NETO1: variants seen among roughly 807,000 people sequenced by gnomAD.
The protein encoded by NETO1 is neuropilin and tolloid-like protein 1.
Under a neutral mutation model 61.3 loss-of-function variants are expected in NETO1, and 26 were observed. The observed-to-expected ratio is 0.42, with a 90% CI of 0.31 to 0.59. The LOEUF (loss-of-function observed/expected upper bound fraction) is 0.59. Ranked by LOEUF, NETO1 falls within the 20% of genes least tolerant of loss-of-function variation. The pLI is 0.12. For synonymous variants in NETO1, 225 were observed against 225.8 expected, an observed-to-expected ratio of 1.00 and a Z score of 0.03; for missense variants, 531 against 662.8, an observed-to-expected ratio of 0.80 and a Z score of 2.18.
At chr18:72,780,915 G>A (rs1044227791) in intron 7 of NETO1, among the ~76,000 whole-genome samples, 1 of 152,080 alleles carries the variant, frequency 6.6e-6, no homozygotes, top group African/African-American at 2.4e-5. Flanking sequence ...TTTGCATTTT[G>A]ATTGGTGCAG....
intron 4 of NETO1, among the ~76,000 whole-genome samples, chr18:72,798,063 C>T (rs904478849): frequency 5.3e-5 from 8 of 152,230 alleles, no homozygotes; most frequent in African/African-American, 1.9e-4. Context: ...TTACCGTCTA[C>T]TTCCACTGCT....
chr18:72,865,344 T>C, intron 1 of NETO1, 103 bp from the exon 2 acceptor site: 3 of 1,213,998 alleles, frequency 2.5e-6, no homozygotes, highest in Non-Finnish European at 2.3e-6. Flanking sequence ...AGCAGATTAA[T>C]TTTTTCATTG....
intron 7 of NETO1, among the ~76,000 whole-genome samples, chr18:72,767,369 T>A (rs575913405): frequency 9.8e-5 from 15 of 152,298 alleles, no homozygotes; most frequent in Non-Finnish European, 1.5e-5. Context: ...ACAGGAAATT[T>A]CCTGCCTTTA....
At chr18:72,834,231 A>AT in intron 4 of NETO1, 1 of 692,628 alleles carries the variant, frequency 1.4e-6, no homozygotes, top group Non-Finnish European at 1.8e-6. Flanking sequence ...ATTAATTGCA[A>AT]AATAAGTTTT....
rs2070443838 is a variant in NETO1, at chr18:72,746,903, G to A, written c.*1276C>T. Among the ~76,000 whole-genome samples, 1 of 151,798 alleles carries A rather than the reference G, an allele frequency of 6.6e-6. No individual in the cohort carries two copies. Among genetic ancestry groups the A allele is most frequent in the Non-Finnish European group, 1.5e-5 (1 of 67,902 alleles). On this transcript the variant is annotated 3_prime_UTR_variant, in exon 11 of 11. Transcript: ENST00000327305. ...TTAATAGCAGTAAAATATATTTTAG[G>A]ATTTTACTTTATGTTAAACACATCA...
chr18:72,783,259 A>T (rs2071802460), intron 7 of NETO1, among the ~76,000 whole-genome samples: 1 of 152,224 alleles, frequency 6.6e-6, no homozygotes. Flanking sequence ...TGAAGTCAGA[A>T]ACCTATTTGA....
At position 72,744,269 on chromosome 18, in the gene NETO1, C is replaced by T. The variant is rs964982053; in HGVS notation, c.*3910G>A. On this transcript the variant is annotated 3_prime_UTR_variant, in exon 11 of 11. Transcript: ENST00000327305. ...ATACAATTCAGTTAAATTTGTGGTA[C>T]AATTCAAACAAGTTTATTAATAAAA... 2 of 152,012 alleles carry T rather than the reference C, an allele frequency of 1.3e-5. No homozygotes were observed. The highest frequency in any genetic ancestry group is 2.4e-5 in the African/African-American group (1 of 41,374). The allele number at this position is 152,012 out of a possible 1,614,324, so 9.4% of individuals were successfully genotyped here.
At chr18:72,804,310 A>G (rs1213819649) in intron 4 of NETO1, among the ~76,000 whole-genome samples, 1 of 152,174 alleles carries the variant, frequency 6.6e-6, no homozygotes, top group African/African-American at 2.4e-5. Flanking sequence ...ACCTTCTTCT[A>G]AAAGAACTCT....
intron 4 of NETO1, among the ~76,000 whole-genome samples, chr18:72,849,718 G>A (rs916855784): frequency 1.3e-5 from 2 of 152,156 alleles, no homozygotes; most frequent in Non-Finnish European, 2.9e-5. Context: ...ATAAACAACA[G>A]GAATTTATCT....
At position 72,833,968 on chromosome 18, in the gene NETO1, T is replaced by C. The variant is rs1038301584; in HGVS notation, c.469+24858A>G. ...GACTTCCACCTCTTTAACATTCCTA[T>C]GATAAATTAGCAAGTCCAAAGTGAA... is the stretch of plus-strand genomic sequence containing the variant. On this transcript the variant is annotated intron_variant, in intron 4 of 10. Transcript: ENST00000327305. 3.6e-5 allele frequency: 10 copies of C among 275,766 alleles called. No homozygotes were observed. In the Admixed American group the frequency reaches 3.9e-4, roughly 11 times the overall value. 17.1% of individuals were successfully genotyped at this position (275,766 alleles called of 1,614,324 possible).
At chr18:72,758,575 G>A (rs916113539) in intron 7 of NETO1, among the ~76,000 whole-genome samples, 10 of 152,112 alleles carry the variant, frequency 6.6e-5, no homozygotes, top group African/African-American at 1.4e-4. Context: ...GGTGGCTCAC[G>A]CCTGTAATCC....
At chr18:72,810,706 C>T (rs182806150) in intron 4 of NETO1, among the ~76,000 whole-genome samples, 9 of 152,290 alleles carry the variant, frequency 5.9e-5, no homozygotes, top group African/African-American at 9.6e-5. Flanking sequence ...CCTGCTCAAT[C>T]TGTAGTTCCT....
chr18:72,867,223 T>TGGCTCCGGGAGCGCA (rs2074767775), intron 1 of NETO1, 41 bp downstream of exon 1: 2 of 1,491,156 alleles, frequency 1.3e-6, no homozygotes, highest in East Asian at 2.6e-5. Context: ...GCGGGAGGGC[T>TGGCTCCGGGAGCGCA]GGCTCCGGGA....
chr18:72,750,619 CT>C lies in NETO1; in HGVS notation c.983del (p.Glu328GlyfsTer11). On this transcript the variant is annotated frameshift_variant and splice_region_variant, in exon 9 of 11. Coordinates refer to ENST00000327305, the MANE Select transcript of NETO1 (RefSeq NM_138966.5). LOFTEE classifies it high-confidence loss of function. ...GGTCCAGCAGGCTGGTTTTCCTCTT[CT>C]CTATAGGTTGGAGAGAGTGAAAACA... is the stretch of plus-strand genomic sequence containing the variant. ...VYPWDENHCKEKRKTSLLDQL... is the reference protein window; with the variant it reads ...VYPWDENHCKXKRKTSLLDQL... The C allele has an allele frequency of 6.2e-7, 1 of 1,600,994 alleles. No homozygotes were observed. Among genetic ancestry groups the C allele is most frequent in the East Asian group, 2.2e-5 (1 of 44,718 alleles).
intron 4 of NETO1, among the ~76,000 whole-genome samples, chr18:72,840,312 A>G (rs2073889481): frequency 6.6e-6 from 1 of 152,220 alleles, no homozygotes; most frequent in Non-Finnish European, 1.5e-5. Flanking sequence ...GCAGAAATGG[A>G]AGCTACCCAC....
chr18:72,795,354 A>G (rs1274183085), intron 4 of NETO1, among the ~76,000 whole-genome samples: 2 of 152,218 alleles, frequency 1.3e-5, no homozygotes, highest in Admixed American at 6.5e-5. Flanking sequence ...TGCGTTAGCC[A>G]ACTTTCAATG....
At chr18:72,793,564 T>C (rs960776053) in intron 6 of NETO1, among the ~76,000 whole-genome samples, 10 of 152,200 alleles carry the variant, frequency 6.6e-5, no homozygotes, top group African/African-American at 2.4e-4. Flanking sequence ...TTGATAATGC[T>C]GGACCCACAT....
chr18:72,836,930 T>A (rs1440421300), intron 4 of NETO1, among the ~76,000 whole-genome samples: 1 of 152,032 alleles, frequency 6.6e-6, no homozygotes, highest in East Asian at 1.9e-4. Context: ...GTAATGCCTG[T>A]AGGAATGGAG....
intron 1 of NETO1, chr18:72,865,821 G>T: frequency 1.2e-6 from 1 of 846,470 alleles, no homozygotes; most frequent in Non-Finnish European, 1.7e-6. Context: ...CTACAAAAAT[G>T]TTCTGAACCT....
Sources: allele counts gnomAD v4.1 joint callset (sites outside exome capture counted in the v4.1 genomes callset), GRCh38; gene constraint gnomAD v4.1.1; transcripts MANE v1.5; gene names NCBI Gene and HGNC (gene_info 2026-07-23, HGNC 2026-07-21).